The following CREB3L1 variants were observed in gnomAD, a reference collection of about 807,000 sequenced individuals.
The protein encoded by CREB3L1 is cyclic AMP-responsive element-binding protein 3-like protein 1.
CREB3L1 carries 33 observed loss-of-function variants against 54.5 expected under a neutral mutation model. The observed-to-expected ratio is 0.61, with a 90% confidence interval of 0.46 to 0.81. CREB3L1 has a LOEUF of 0.81. Ranked by LOEUF, CREB3L1 falls within the 30% of genes least tolerant of loss-of-function variation. CREB3L1 has a pLI of 0.00. For missense variants in CREB3L1, 656 were observed against 673.3 expected (o/e 0.97, Z 0.29); for synonymous variants, 284 against 286.4 (o/e 0.99, Z 0.08).
intron 1 of CREB3L1, among the ~76,000 whole-genome samples, chr11:46,287,771 T>C (rs550097509): frequency 8.6e-5 from 13 of 151,756 alleles, no homozygotes; most frequent in African/African-American, 3.1e-4. Flanking sequence ...AGGTCAGGAG[T>C]TTGAGAACAG....
chr11:46,292,721 G>C (rs1373615500), intron 1 of CREB3L1, among the ~76,000 whole-genome samples: 2 of 152,082 alleles, frequency 1.3e-5, no homozygotes, highest in Non-Finnish European at 2.9e-5. Flanking sequence ...CAAACTCCTG[G>C]GCTCAAGTAA....
In CREB3L1 at chr11:46,300,092, G is replaced by A; in HGVS notation, c.260G>A (p.Ser87Asn). The change falls in exon 2 of 12, where the codon AGC becomes AAC. Residue 87 changes from serine to asparagine, a missense_variant. By Grantham distance (46) the Ser-to-Asn change is conservative. Around this residue, in one of 3 missense-constraint regions of CREB3L1, gnomAD observed 339 missense variants for 331.5 expected, o/e 1.02. Transcript: ENST00000621158. ...ACGCCAGGCATCCAGGCGGAGCACA[G>A]CTACTCCCTGAGCGGCGACTCAGCG... ...SPTPGIQAEH[S>N]YSLSGDSAPQ... 3 of 1,613,904 alleles carry A rather than the reference G, an allele frequency of 1.9e-6. No individual in the cohort carries two copies. The highest frequency in any genetic ancestry group is 2.5e-6 in the Non-Finnish European group (3 of 1,179,854).
rs369168458 is a variant in CREB3L1 at position 46,311,153 on chromosome 11, G to A, written c.717G>A (p.Thr239=). 121 of 1,601,048 alleles carry A rather than the reference G, an allele frequency of 7.6e-5. No homozygotes were observed. The highest frequency in any genetic ancestry group is 1.6e-4 in the Middle Eastern group (1 of 6,068). Residue 239 remains threonine, a synonymous_variant, in exon 5 of 12, where the codon ACG becomes ACA. Coordinates refer to ENST00000621158, the MANE Select transcript of CREB3L1 (RefSeq NM_052854.4). ...SPVRPMARSS[T]AISTSPLLTA... ...TCAGGCCCATGGCGCGCTCCTCCAC[G>A]GCCATCTCCACCTCCCCACTCCTCA...
rs772306758 is a variant in CREB3L1, at chr11:46,312,485, C to T, written c.903+11C>T. ...AAAATCAAGAACAAGGTAAAGCCTG[C>T]CACCCTGGGGCTTCAGAGGGCTTCC... On this transcript the variant is annotated intron_variant, in intron 6 of 11. Coordinates refer to ENST00000621158, the MANE Select transcript of CREB3L1 (RefSeq NM_052854.4). The T allele has an allele frequency of 1.2e-6, 2 of 1,611,870 alleles. No homozygotes were observed. Among genetic ancestry groups the T allele is most frequent in the Non-Finnish European group, 1.7e-6 (2 of 1,178,696 alleles).
chr11:46,312,429 C>T lies in CREB3L1; in HGVS notation c.858C>T (p.Ala286=), dbSNP rs754609455. The T allele has an allele frequency of 3.4e-5, 55 of 1,613,842 alleles. No individual in the cohort carries two copies. The highest frequency in any genetic ancestry group is 1.7e-4 in the Middle Eastern group (1 of 6,058). The change falls in exon 6 of 12, where the codon GCC becomes GCT. Residue 286 remains alanine, a synonymous_variant. Transcript: ENST00000621158. Reference sequence around the variant, plus strand: ...CCACAAAACTCCCCCTCACCAAAGCCGAGGAGAAGGCCTTGAAGAGAGTCC... The same window carrying T: ...CCACAAAACTCCCCCTCACCAAAGCTGAGGAGAAGGCCTTGAAGAGAGTCC... ...PIPTKLPLTK[A]EEKALKRVRR... is the part of the protein sequence containing the mutation.
At chr11:46,320,657 G>A in intron 11 of CREB3L1, 53 bp from the exon 12 acceptor site, 1 of 1,589,444 alleles carries the variant, frequency 6.3e-7, no homozygotes, top group Non-Finnish European at 8.6e-7. Flanking sequence ...AGCTTGCAGA[G>A]GGTAAGAGGG....
intron 1 of CREB3L1, among the ~76,000 whole-genome samples, chr11:46,285,716 C>G (rs1271000568): frequency 1.3e-5 from 2 of 152,156 alleles, no homozygotes; most frequent in Non-Finnish European, 2.9e-5. Flanking sequence ...GCTCGTGGCT[C>G]GTGGCCCAGA....
chr11:46,309,217 C>T (rs1026301847), intron 3 of CREB3L1, among the ~76,000 whole-genome samples: 5 of 152,178 alleles, frequency 3.3e-5, no homozygotes, highest in Non-Finnish European at 2.9e-5. Flanking sequence ...GATTCTTACT[C>T]ATCAGCCTAC....
At position 46,312,312 on chromosome 11, in the gene CREB3L1, A is replaced by G. The variant is rs1237714108; in HGVS notation, c.754-13A>G. ...CTGCCTGGCTCCTAACTACCACATCATACTTCCTACAGAAATTACAGGGGA... is the reference window on the plus strand; with the variant it reads ...CTGCCTGGCTCCTAACTACCACATCGTACTTCCTACAGAAATTACAGGGGA... On this transcript the variant is annotated splice_polypyrimidine_tract_variant and intron_variant, in intron 5 of 11. Coordinates refer to ENST00000621158, the MANE Select transcript of CREB3L1 (RefSeq NM_052854.4). The G allele has an allele frequency of 4.4e-6, 7 of 1,573,710 alleles. No homozygotes were observed. The East Asian group carries it at 1.4e-4, about 32-fold the overall frequency.
chr11:46,300,010 G>C lies in CREB3L1; in HGVS notation c.178G>C (p.Asp60His), dbSNP rs542539617. 1.2e-6 allele frequency: 2 copies of C among 1,613,994 alleles called. No individual in the cohort carries two copies. The highest frequency in any genetic ancestry group is 1.7e-6 in the Non-Finnish European group (2 of 1,179,882). The change falls in exon 2 of 12, where the codon GAT becomes CAT. Residue 60 changes from aspartate to histidine, a missense_variant. By Grantham distance (81) the Asp-to-His change is moderately conservative (BLOSUM62 -1). Around this residue, in one of 3 missense-constraint regions of CREB3L1, gnomAD observed 339 missense variants for 331.5 expected, o/e 1.02. Transcript: ENST00000621158. ...FSNDLFSSFF[D>H]DPVLDEKSPL... ...CAATGACCTGTTCAGCAGCTTCTTT[G>C]ATGACCCTGTGCTGGATGAGAAGAG... is the stretch of plus-strand genomic sequence containing the variant.
intron 1 of CREB3L1, among the ~76,000 whole-genome samples, chr11:46,281,219 T>C (rs1938966475): frequency 6.6e-6 from 1 of 152,184 alleles, no homozygotes; most frequent in East Asian, 1.9e-4. Flanking sequence ...CGCTCTCCCA[T>C]GGTTTCTGAT....
At chr11:46,305,698 G>GTATA (rs199845915) in intron 2 of CREB3L1, among the ~76,000 whole-genome samples, 1 of 104,578 alleles carries the variant, frequency 9.6e-6, no homozygotes, top group African/African-American at 5.3e-5. Flanking sequence ...ATATGTGTGT[G>GTATA]TGTGTGTGTG....
At chr11:46,312,779 G>A in intron 7 of CREB3L1, 72 bp from the exon 8 acceptor site, 2 of 1,547,014 alleles carry the variant, frequency 1.3e-6, no homozygotes, top group Non-Finnish European at 1.8e-6. Context: ...GTGTGATGGT[G>A]GTGGGCTGGG....
At chr11:46,299,370 G>T (rs1939259392) in intron 1 of CREB3L1, among the ~76,000 whole-genome samples, 1 of 152,154 alleles carries the variant, frequency 6.6e-6, no homozygotes, top group Admixed American at 6.6e-5. Flanking sequence ...AGGACAGATG[G>T]ACACTGTGCT....
In CREB3L1 at chr11:46,316,293, C is replaced by T; in HGVS notation, c.1039C>T (p.Leu347Phe). ...CTGCTGTGCCCTCCTCAGGACCCTG[C>T]TCCAGCAGCTGCAGAAACTCCAGAC... Reference protein sequence around the residue: ...ETLENANRTLLQQLQKLQTLV... With the variant: ...ETLENANRTLFQQLQKLQTLV... The change falls in exon 9 of 12, where the codon CTC (leucine) becomes TTC (phenylalanine). Residue 347 changes from leucine to phenylalanine, a missense_variant. Transcript: ENST00000621158. 1.3e-6 allele frequency: 2 copies of T among 1,562,364 alleles called. No individual in the cohort carries two copies. Among genetic ancestry groups the T allele is most frequent in the Non-Finnish European group, 8.7e-7 (1 of 1,153,128 alleles).
chr11:46,292,167 T>C (rs767412583), intron 1 of CREB3L1, among the ~76,000 whole-genome samples: 51 of 152,086 alleles, frequency 3.4e-4, no homozygotes, highest in Non-Finnish European at 5.7e-4. Context: ...ACAGAAAGGC[T>C]TAGGGAAGGA....
chr11:46,320,682 T>C, intron 11 of CREB3L1, 28 bp from the exon 12 acceptor site: 1 of 1,605,512 alleles, frequency 6.2e-7, no homozygotes. Context: ...TGCTGGACAG[T>C]CATCGCTGGC....
At chr11:46,318,817 CAAG>C (rs1267307285) in intron 10 of CREB3L1, among the ~76,000 whole-genome samples, 4 of 151,988 alleles carry the variant, frequency 2.6e-5, no homozygotes, top group African/African-American at 9.7e-5. Context: ...GAGTGAGTTT[CAAG>C]AAGGAGGGAT....
intron 11 of CREB3L1, 49 bp downstream of exon 11, chr11:46,320,577 C>T: frequency 6.4e-7 from 1 of 1,551,602 alleles, no homozygotes; most frequent in Non-Finnish European, 8.7e-7. Context: ...CTCCACCTGC[C>T]TCCTGCCCAC....
Sources: allele counts gnomAD v4.1 joint callset (sites outside exome capture counted in the v4.1 genomes callset), GRCh38; gene constraint gnomAD v4.1.1; regional missense constraint gnomAD v4.1.1; transcripts MANE v1.5; gene names NCBI Gene and HGNC (gene_info 2026-07-23, HGNC 2026-07-21).